The following C7orf78 variants were observed in gnomAD, a reference collection of about 807,000 sequenced individuals.
C7orf78 encodes the protein putative uncharacterized protein C7orf78.
the C7orf78 span, among the ~76,000 whole-genome samples, chr7:12,515,693 T>C: frequency 1.3e-5 from 2 of 152,180 alleles, no homozygotes; most frequent in Non-Finnish European, 2.9e-5. Context: ...AGGTCCAGAC[T>C]GAGGTGGTCT....
chr7:12,503,097 G>A, the C7orf78 span, among the ~76,000 whole-genome samples: 25 of 139,642 alleles, frequency 1.8e-4, 2 homozygotes, highest in African/African-American at 5.1e-4. Flanking sequence ...GTGGGGGTAG[G>A]GGGGAGGGAT....
the C7orf78 span, among the ~76,000 whole-genome samples, chr7:12,509,990 C>T: frequency 7.4e-5 from 11 of 148,532 alleles, no homozygotes; most frequent in South Asian, 6.4e-4. Flanking sequence ...GCTGAGACCA[C>T]GCCATTGCAC....
At chr7:12,516,759 T>G in the C7orf78 span, among the ~76,000 whole-genome samples, 3 of 152,210 alleles carry the variant, frequency 2.0e-5, no homozygotes, top group Non-Finnish European at 4.4e-5. Context: ...AAAATTTGAC[T>G]GCCCAGATGG....
chr7:12,531,542 A>G, the C7orf78 span, among the ~76,000 whole-genome samples: 8 of 152,172 alleles, frequency 5.3e-5, no homozygotes, highest in African/African-American at 1.9e-4. Context: ...ATAAGATGAT[A>G]TATACAAACT....
At chr7:12,511,955 T>C in the C7orf78 span, among the ~76,000 whole-genome samples, 1 of 139,398 alleles carries the variant, frequency 7.2e-6, no homozygotes, top group East Asian at 2.1e-4. Context: ...TTTTGTATTT[T>C]CAGTAGAGAC....
chr7:12,485,151 A>G, the C7orf78 span, among the ~76,000 whole-genome samples: 7 of 42,278 alleles, frequency 1.7e-4, no homozygotes, highest in African/African-American at 5.6e-4. Flanking sequence ...ACATTATGCT[A>G]TCAGCTGGGT....
At chr7:12,517,368 A>G in the C7orf78 span, among the ~76,000 whole-genome samples, 4 of 152,232 alleles carry the variant, frequency 2.6e-5, no homozygotes, top group African/African-American at 9.6e-5. Flanking sequence ...TTTTCTTCTC[A>G]GTCTCAAGTA....
chr7:12,501,699 A>T, the C7orf78 span, among the ~76,000 whole-genome samples: 1 of 150,092 alleles, frequency 6.7e-6, no homozygotes, highest in Admixed American at 6.7e-5. Flanking sequence ...TCAAGCTACC[A>T]ATGCCTTTAT....
the C7orf78 span, among the ~76,000 whole-genome samples, chr7:12,516,388 C>A: frequency 6.6e-6 from 1 of 152,162 alleles, no homozygotes; most frequent in South Asian, 2.1e-4. Context: ...GCATGAATGC[C>A]CAAGCAGAAG....
the C7orf78 span, among the ~76,000 whole-genome samples, chr7:12,495,422 T>C: frequency 6.6e-6 from 1 of 152,216 alleles, no homozygotes; most frequent in East Asian, 1.9e-4. Context: ...GTCGTCTTAT[T>C]GTGCTGATAT....
the C7orf78 span, among the ~76,000 whole-genome samples, chr7:12,492,498 G>C: frequency 3.9e-5 from 6 of 152,158 alleles, no homozygotes; most frequent in Non-Finnish European, 8.8e-5. Context: ...GTCTTACATT[G>C]CTTTTGATTT....
chr7:12,518,152 T>G, the C7orf78 span, among the ~76,000 whole-genome samples: 1 of 152,212 alleles, frequency 6.6e-6, no homozygotes, highest in Non-Finnish European at 1.5e-5. Flanking sequence ...TAGTGGTATC[T>G]GTGATTTCCT....
chr7:12,538,034 C>T, the C7orf78 span, among the ~76,000 whole-genome samples: 1 of 152,072 alleles, frequency 6.6e-6, no homozygotes, highest in African/African-American at 2.4e-5. Flanking sequence ...GTACAATAAC[C>T]TTCTGGGTCC....
the C7orf78 span, among the ~76,000 whole-genome samples, chr7:12,533,260 G>A: frequency 6.6e-6 from 1 of 152,242 alleles, no homozygotes; most frequent in Non-Finnish European, 1.5e-5. Flanking sequence ...GAGTGCAGTG[G>A]TGTGATCTCA....
the C7orf78 span, among the ~76,000 whole-genome samples, chr7:12,529,867 A>T: frequency 4.3e-4 from 65 of 152,234 alleles, no homozygotes; most frequent in Non-Finnish European, 4.7e-4. Flanking sequence ...AAGCAGGACT[A>T]CCCATAGGCA....
the C7orf78 span, chr7:12,542,132 A>T: frequency 1.3e-5 from 2 of 152,222 alleles, no homozygotes; most frequent in African/African-American, 4.8e-5. Flanking sequence ...GGATTATCCT[A>T]TCACCTTTCC....
chr7:12,539,888 G>A, the C7orf78 span, among the ~76,000 whole-genome samples: 1 of 152,278 alleles, frequency 6.6e-6, no homozygotes, highest in East Asian at 1.9e-4. Flanking sequence ...GCTTCTCATT[G>A]TTAGGATGTC....
the C7orf78 span, among the ~76,000 whole-genome samples, chr7:12,513,195 C>G: frequency 6.6e-6 from 1 of 151,154 alleles, no homozygotes; most frequent in South Asian, 2.1e-4. Context: ...TTCTTTCTTT[C>G]TTTCTTTTTC....
the C7orf78 span, chr7:12,496,776 A>G: frequency 6.6e-6 from 1 of 152,216 alleles, no homozygotes; most frequent in Non-Finnish European, 1.5e-5. Flanking sequence ...ATAAAGAACC[A>G]TATGTATCTC....
Sources: allele counts gnomAD v4.1 joint callset (sites outside exome capture counted in the v4.1 genomes callset), GRCh38; gene constraint gnomAD v4.1.1; transcripts MANE v1.5; gene names NCBI Gene and HGNC (gene_info 2026-07-23, HGNC 2026-07-21).